The following GRK5 variants were observed in gnomAD, a reference collection of about 807,000 sequenced individuals.
The protein encoded by GRK5 is G protein-coupled receptor kinase 5, also known as g protein-coupled receptor kinase GRK5.
In GRK5, 40 loss-of-function variants were observed where a neutral mutation model predicts 78.4. That is an observed-to-expected ratio of 0.51 (90% CI 0.40 to 0.66). The LOEUF (loss-of-function observed/expected upper bound fraction) is 0.66, where lower values mean the gene tolerates loss of function less well. GRK5 is among the 30% of genes least tolerant of loss of function. GRK5 has a pLI of 0.00. For synonymous variants in GRK5, 289 were observed against 296.8 expected, an observed-to-expected ratio of 0.97 and a Z score of 0.27; for missense variants, 598 against 759.9, an observed-to-expected ratio of 0.79 and a Z score of 2.50.
chr10:119,452,547 A>T lies in GRK5; in HGVS notation c.1405-124A>T. 1 of 1,143,616 alleles carries T rather than the reference A, an allele frequency of 8.7e-7. No homozygotes were observed. The highest frequency in any genetic ancestry group is 1.2e-6 in the Non-Finnish European group (1 of 803,830). 70.8% of individuals were successfully genotyped at this position (1,143,616 alleles called of 1,614,324 possible). ...GCCACACACCCTCCAGCCACTACCC[A>T]TAGCAGTTCTGGGGGTGTGTCCTGG... On this transcript the variant is annotated intron_variant, in intron 13 of 15. Coordinates refer to ENST00000392870, the MANE Select transcript of GRK5 (RefSeq NM_005308.3). This position sits in a 1 kb window ranked among gnomAD's most constrained non-coding sequence, Gnocchi z 4.4.
intron 1 of GRK5, among the ~76,000 whole-genome samples, chr10:119,316,728 C>T (rs1850493319): frequency 6.6e-6 from 1 of 152,226 alleles, no homozygotes; most frequent in South Asian, 2.1e-4. Flanking sequence ...GTGCCACCTC[C>T]TGGCACATTG....
chr10:119,288,854 A>T (rs1849903703), intron 1 of GRK5, among the ~76,000 whole-genome samples: 1 of 152,200 alleles, frequency 6.6e-6, no homozygotes, highest in Non-Finnish European at 1.5e-5. Flanking sequence ...AATGCGGAAC[A>T]TGGTGTCTGA....
intron 1 of GRK5, among the ~76,000 whole-genome samples, chr10:119,214,303 A>G (rs1722196065): frequency 1.3e-5 from 2 of 152,192 alleles, no homozygotes; most frequent in South Asian, 4.1e-4. Context: ...CTGATCAACT[A>G]GGTGTGAACA....
At chr10:119,258,361 G>A (rs939105490) in intron 1 of GRK5, among the ~76,000 whole-genome samples, 8 of 152,134 alleles carry the variant, frequency 5.3e-5, no homozygotes, top group Admixed American at 2.6e-4. Context: ...CCAATTTTTG[G>A]TGATTATGAA....
intron 1 of GRK5, among the ~76,000 whole-genome samples, chr10:119,262,579 T>A (rs1849431075): frequency 6.6e-6 from 1 of 152,026 alleles, no homozygotes; most frequent in African/African-American, 2.4e-5. Flanking sequence ...CCTGACTTCA[T>A]GATCCGCCCA....
At chr10:119,291,621 C>T (rs1447981984) in intron 1 of GRK5, among the ~76,000 whole-genome samples, 1 of 145,260 alleles carries the variant, frequency 6.9e-6, no homozygotes. Flanking sequence ...CCTCTTCTTC[C>T]TCCTCTTCCT....
chr10:119,435,908 A>G (rs932692725), intron 8 of GRK5, among the ~76,000 whole-genome samples: 1 of 152,250 alleles, frequency 6.6e-6, no homozygotes, highest in African/African-American at 2.4e-5. Flanking sequence ...AGGCCCCACA[A>G]TCATGGCAGA....
chr10:119,221,772 C>G (rs958239624), intron 1 of GRK5, among the ~76,000 whole-genome samples: 42 of 152,062 alleles, frequency 2.8e-4, no homozygotes, highest in African/African-American at 8.2e-4. Flanking sequence ...TTCAGTGACC[C>G]TAGGGATGTA....
At chr10:119,373,286 T>C (rs1851575697) in intron 2 of GRK5, among the ~76,000 whole-genome samples, 1 of 152,200 alleles carries the variant, frequency 6.6e-6, no homozygotes, top group Admixed American at 6.5e-5. Context: ...ATTCAGTCAG[T>C]AGGTGATATG....
chr10:119,310,701 G>C (rs1394857737), intron 1 of GRK5, among the ~76,000 whole-genome samples: 1 of 152,194 alleles, frequency 6.6e-6, no homozygotes, highest in African/African-American at 2.4e-5. Flanking sequence ...AGGCAGGGCG[G>C]GGTTGGGGAG....
At chr10:119,330,754 C>T (rs1338427111) in intron 2 of GRK5, among the ~76,000 whole-genome samples, 1 of 152,174 alleles carries the variant, frequency 6.6e-6, no homozygotes, top group African/African-American at 2.4e-5. Flanking sequence ...GGTGTGATGG[C>T]TCATGCCTGT....
intron 1 of GRK5, among the ~76,000 whole-genome samples, chr10:119,255,162 G>A (rs1849261307): frequency 6.6e-6 from 1 of 152,148 alleles, no homozygotes; most frequent in African/African-American, 2.4e-5. Flanking sequence ...CCCGGAGGTG[G>A]CCTTGACTTC....
At chr10:119,428,969 G>A (rs73443095) in intron 6 of GRK5, among the ~76,000 whole-genome samples, 22,372 of 152,206 alleles carry the variant, frequency 0.15, 3,740 homozygotes, top group African/African-American at 0.4. Flanking sequence ...TCCATGCATC[G>A]TAAACTGTTA....
At chr10:119,408,477 G>A (rs1002388002) in intron 4 of GRK5, among the ~76,000 whole-genome samples, 3 of 152,010 alleles carry the variant, frequency 2.0e-5, no homozygotes, top group Non-Finnish European at 4.4e-5. Context: ...GAATGGATAA[G>A]CAAAAGTGGT....
chr10:119,377,005 T>C (rs939094805), intron 2 of GRK5, among the ~76,000 whole-genome samples: 17 of 152,204 alleles, frequency 1.1e-4, no homozygotes, highest in African/African-American at 4.1e-4. Flanking sequence ...TGCGTGCGTG[T>C]GTGTGGACAG....
rs1254098645 is a variant in GRK5, at chr10:119,238,969, T to G, written c.52+31000T>G. On this transcript the variant is annotated intron_variant, in intron 1 of 15. Transcript: ENST00000392870. The surrounding 1 kb of genome is among the most constrained non-coding windows in gnomAD (Gnocchi z 4.7). ...TTGAAGCCAAGGCATTAGAGAAACG[T>G]GATTTTTCATTTAATTATATATATA... is the stretch of plus-strand genomic sequence containing the variant. 2.0e-5 allele frequency among the ~76,000 whole-genome samples: 3 copies of G among 152,142 alleles called. No individual in the cohort carries two copies. The highest frequency in any genetic ancestry group is 4.4e-5 in the Non-Finnish European group (3 of 68,026).
intron 1 of GRK5, 86 bp from the exon 2 acceptor site, chr10:119,326,430 G>C: frequency 9.2e-7 from 1 of 1,092,372 alleles, no homozygotes; most frequent in East Asian, 2.4e-5. Flanking sequence ...CTGTCTCTCA[G>C]CCCAGGAGGC....
At chr10:119,234,158 C>A (rs1305971559) in intron 1 of GRK5, among the ~76,000 whole-genome samples, 3 of 152,216 alleles carry the variant, frequency 2.0e-5, no homozygotes, top group Non-Finnish European at 4.4e-5. Context: ...AACCTCCTTA[C>A]AGCCTCCCTC....
At chr10:119,226,689 C>A (rs1032760823) in intron 1 of GRK5, among the ~76,000 whole-genome samples, 2 of 151,368 alleles carry the variant, frequency 1.3e-5, no homozygotes, top group African/African-American at 4.9e-5. Flanking sequence ...GGATTACAGG[C>A]GCCTGCTACC....
Sources: allele counts gnomAD v4.1 joint callset (sites outside exome capture counted in the v4.1 genomes callset), GRCh38; gene constraint gnomAD v4.1.1; non-coding constraint Gnocchi (gnomAD v3.1); transcripts MANE v1.5; gene names NCBI Gene and HGNC (gene_info 2026-07-23, HGNC 2026-07-21).